The following CEP63 variants were observed in gnomAD, a reference collection of about 807,000 sequenced individuals.
CEP63 encodes the protein centrosomal protein 63, also known as centrosomal protein of 63 kDa.
Under a neutral mutation model 89.1 loss-of-function variants are expected in CEP63, and 84 were observed. That is an observed-to-expected ratio of 0.94 (90% CI 0.79 to 1.13). The LOEUF is 1.13. Among genes scored for constraint, CEP63 ranks in the 50% most tolerant of loss-of-function variants. The pLI is 0.00. For synonymous variants in CEP63, 267 were observed against 272.5 expected (o/e 0.98, Z 0.20); for missense variants, 838 against 813.3 (o/e 1.03, Z -0.37).
the CEP63 span, among the ~76,000 whole-genome samples, chr3:134,656,128 T>C: frequency 3.9e-5 from 6 of 151,972 alleles, no homozygotes; most frequent in Non-Finnish European, 8.8e-5. Flanking sequence ...TGCAATGCCA[T>C]AGGATGAAAT....
intron 1 of CEP63, among the ~76,000 whole-genome samples, chr3:134,494,297 G>A (rs990462699): frequency 3.3e-5 from 5 of 149,364 alleles, no homozygotes; most frequent in Admixed American, 6.6e-5. Context: ...TTTTTTTTTG[G>A]TAGAGGCGGA....
At chr3:134,716,192 G>C in the CEP63 span, among the ~76,000 whole-genome samples, 1 of 152,098 alleles carries the variant, frequency 6.6e-6, no homozygotes, top group Non-Finnish European at 1.5e-5. Flanking sequence ...TACTCTGTCC[G>C]ATTCTCTTGC....
chr3:134,704,175 TTACAAACATC>T, the CEP63 span, among the ~76,000 whole-genome samples: 7 of 152,262 alleles, frequency 4.6e-5, no homozygotes, highest in African/African-American at 1.7e-4. Flanking sequence ...GTTTCACACC[TTACAAACATC>T]TATTAATCCT....
At chr3:134,587,126 A>G (rs1000650567) in intron 10 of CEP63, among the ~76,000 whole-genome samples, 10 of 152,040 alleles carry the variant, frequency 6.6e-5, no homozygotes, top group African/African-American at 2.2e-4. Context: ...CTTCCTTGCG[A>G]TGGGTTAGAA....
At chr3:134,578,322 G>GTTTTT (rs71139542), downstream of CEP63, among the ~76,000 whole-genome samples, 3,482 of 61,270 alleles carry the variant, frequency 0.057, 215 homozygotes, top group African/African-American at 0.067. Context: ...TCTGACTTGT[G>GTTTTT]TTTTTTTTTT....
chr3:134,781,733 A>T, the CEP63 span, among the ~76,000 whole-genome samples: 1 of 152,248 alleles, frequency 6.6e-6, no homozygotes, highest in Non-Finnish European at 1.5e-5. Flanking sequence ...AGATTTTTAT[A>T]TATTGACTTT....
At chr3:134,598,202 G>A in the CEP63 span, among the ~76,000 whole-genome samples, 58 of 152,298 alleles carry the variant, frequency 3.8e-4, no homozygotes, top group African/African-American at 1.3e-3. Flanking sequence ...TGTTTTCAGG[G>A]TGTAAAACAC....
chr3:134,527,789 C>A (rs1354317407), intron 3 of CEP63, among the ~76,000 whole-genome samples: 1 of 152,186 alleles, frequency 6.6e-6, no homozygotes, highest in African/African-American at 2.4e-5. Flanking sequence ...TGTGGCCAGG[C>A]TGGGGCCCTG....
the CEP63 span, among the ~76,000 whole-genome samples, chr3:134,597,535 G>T: frequency 4.0e-4 from 61 of 152,286 alleles, no homozygotes; most frequent in African/African-American, 1.4e-3. Context: ...AGTGCAGGTC[G>T]CGGAGAGACT....
chr3:134,768,221 G>A, the CEP63 span, among the ~76,000 whole-genome samples: 1 of 152,170 alleles, frequency 6.6e-6, no homozygotes, highest in African/African-American at 2.4e-5. Context: ...TTGCATATTG[G>A]ACAGATTCCT....
Position 134,564,462 on chromosome 3 carries a change from C to T in CEP63, c.*2927C>T, listed in dbSNP as rs1957622876. 1.0e-6 allele frequency: 1 copy of T among 985,484 alleles called. No homozygotes were observed. Among genetic ancestry groups the T allele is most frequent in the Non-Finnish European group, 1.2e-6 (1 of 829,976 alleles). 61.0% of individuals were successfully genotyped at this position (985,484 alleles called of 1,614,324 possible). Reference sequence around the variant, plus strand: ...CTGTCATGGCACCCTGTGTGTGGCTCTGACCAGACTTTGCTATCCGCTTTG... The same window carrying T: ...CTGTCATGGCACCCTGTGTGTGGCTTTGACCAGACTTTGCTATCCGCTTTG... On this transcript the variant is annotated 3_prime_UTR_variant, in exon 15 of 15. Coordinates refer to ENST00000675561, the MANE Select transcript of CEP63 (RefSeq NM_001353108.3).
At chr3:134,768,153 G>A in the CEP63 span, among the ~76,000 whole-genome samples, 10 of 152,240 alleles carry the variant, frequency 6.6e-5, no homozygotes, top group African/African-American at 1.7e-4. Context: ...AAGTGGAATC[G>A]GAAGCATCAA....
downstream of CEP63, among the ~76,000 whole-genome samples, chr3:134,578,331 T>TG (rs1560077838): frequency 7.6e-4 from 41 of 53,628 alleles, no homozygotes; most frequent in African/African-American, 2.2e-3. Flanking sequence ...TGTTTTTTTT[T>TG]TTTTTTTTTT....
chr3:134,620,786 C>G, the CEP63 span: 1 of 1,613,714 alleles, frequency 6.2e-7, no homozygotes, highest in Admixed American at 1.7e-5. Flanking sequence ...TGGCGCGGAC[C>G]CTTTCCAGGT....
Position 134,557,386 on chromosome 3 carries a change from T to G in CEP63, c.1468-756T>G, listed in dbSNP as rs955479765. ...TTACTTTCATAATTTGTTTTTTTTT[T>G]TTTTTTTTTTTTTTTTTTACAGAAA... On this transcript the variant is annotated intron_variant, in intron 12 of 14. Coordinates refer to ENST00000675561, the MANE Select transcript of CEP63 (RefSeq NM_001353108.3). Among the ~76,000 whole-genome samples, 10 of 113,366 alleles carry G rather than the reference T, an allele frequency of 8.8e-5. No individual in the cohort carries two copies. The East Asian group carries it at 1.2e-3, about 13-fold the overall frequency. 74.4% of individuals were successfully genotyped at this position (113,366 alleles called of 152,430 possible).
chr3:134,733,072 A>G, the CEP63 span, among the ~76,000 whole-genome samples: 5 of 152,180 alleles, frequency 3.3e-5, no homozygotes, highest in Non-Finnish European at 5.9e-5. Context: ...AGGGAACCCA[A>G]TCTTTTAAAA....
chr3:134,741,224 G>T, the CEP63 span, among the ~76,000 whole-genome samples: 5 of 152,164 alleles, frequency 3.3e-5, no homozygotes, highest in African/African-American at 1.2e-4. Context: ...AAGGCCCATA[G>T]TCCAGCCTGA....
At chr3:134,700,437 T>A in the CEP63 span, among the ~76,000 whole-genome samples, 7 of 152,216 alleles carry the variant, frequency 4.6e-5, no homozygotes, top group Admixed American at 2.0e-4. Flanking sequence ...AGGCTTATAA[T>A]GAAAAACAGC....
At chr3:134,675,427 T>C in the CEP63 span, among the ~76,000 whole-genome samples, 1 of 152,088 alleles carries the variant, frequency 6.6e-6, no homozygotes, top group Non-Finnish European at 1.5e-5. Flanking sequence ...ACTATAAAAC[T>C]CTTAGAAGAA....
Sources: gnomAD v4.1 joint callset for allele counts (sites outside exome capture counted in the v4.1 genomes callset) on GRCh38, gnomAD v4.1.1 for gene constraint, MANE v1.5 for transcripts, NCBI Gene and HGNC (gene_info 2026-07-23, HGNC 2026-07-21) for gene names.